CELF4: variants seen among roughly 807,000 people sequenced by gnomAD.
CELF4 encodes CUGBP Elav-like family member 4.
A neutral mutation model predicts 59.9 loss-of-function variants in CELF4; 18 were observed. The observed-to-expected ratio is 0.30, with a 90% CI of 0.21 to 0.45. The LOEUF (loss-of-function observed/expected upper bound fraction) is 0.45. Ranked by LOEUF, CELF4 falls within the 20% of genes least tolerant of loss-of-function variation. The pLI is 1.00. For synonymous variants in CELF4, 261 were observed against 267.1 expected (o/e 0.98, Z 0.22); for missense variants, 456 against 689.0 (o/e 0.66, Z 3.79).
intron 2 of CELF4, among the ~76,000 whole-genome samples, chr18:37,419,780 T>G (rs2099561768): frequency 2.6e-5 from 4 of 152,150 alleles, no homozygotes; most frequent in African/African-American, 9.7e-5. Flanking sequence ...CTACAGGATT[T>G]TTTTAAGGAC....
intron 1 of CELF4, among the ~76,000 whole-genome samples, chr18:37,494,711 A>G (rs969265194): frequency 6.6e-6 from 1 of 151,688 alleles, no homozygotes; most frequent in Non-Finnish European, 1.5e-5. Flanking sequence ...GAGAGCAGAG[A>G]CTCTGGTATC....
At chr18:37,412,560 G>C (rs2099479235) in intron 2 of CELF4, among the ~76,000 whole-genome samples, 1 of 152,022 alleles carries the variant, frequency 6.6e-6, no homozygotes, top group African/African-American at 2.4e-5. Context: ...ATGGGTGCAT[G>C]TGTGTATGAA....
chr18:37,527,220 G>A (rs144018113), intron 1 of CELF4, among the ~76,000 whole-genome samples: 2 of 151,706 alleles, frequency 1.3e-5, no homozygotes, highest in South Asian at 4.2e-4. Flanking sequence ...AATACCAGCC[G>A]CACTCCCTGA....
intron 2 of CELF4, among the ~76,000 whole-genome samples, chr18:37,447,700 A>G (rs187554589): frequency 6.6e-6 from 1 of 152,086 alleles, no homozygotes; most frequent in East Asian, 1.9e-4. Flanking sequence ...TGCACCCTCT[A>G]CCCATCTGGG....
intron 3 of CELF4, among the ~76,000 whole-genome samples, chr18:37,321,498 C>T (rs1054880310): frequency 2.0e-5 from 3 of 152,220 alleles, no homozygotes; most frequent in African/African-American, 4.8e-5. Flanking sequence ...TTGTCCACAT[C>T]GAGGTGGGCA....
In CELF4 at chr18:37,484,843, C is replaced by T. The variant is rs114704945; in HGVS notation, c.369+682G>A. On this transcript the variant is annotated intron_variant, in intron 2 of 12. Coordinates refer to ENST00000420428, the MANE Select transcript of CELF4 (RefSeq NM_020180.4). ...AAAATCTTTAAATTATGCCCACAAA[C>T]ACACATCTTTCCATTTATCCTTAGA... 4.4e-3 allele frequency among the ~76,000 whole-genome samples: 670 copies of T among 152,324 alleles called. 5 individuals are homozygous for T. Among genetic ancestry groups the T allele is most frequent in the African/African-American group, 0.015 (642 of 41,560 alleles).
chr18:37,299,169 C>T (rs1273520088), intron 3 of CELF4, among the ~76,000 whole-genome samples: 1 of 152,144 alleles, frequency 6.6e-6, no homozygotes, highest in Non-Finnish European at 1.5e-5. Flanking sequence ...AGTCACCGCA[C>T]CATGGGGGAG....
chr18:37,266,343 G>A, intron 9 of CELF4, 190 bp downstream of exon 9: 1 of 649,662 alleles, frequency 1.5e-6, no homozygotes, highest in South Asian at 1.8e-5. Context: ...CCCCACTGCA[G>A]GGGCACTCTC....
chr18:37,366,218 G>A (rs562235863), intron 2 of CELF4, among the ~76,000 whole-genome samples: 104 of 152,308 alleles, frequency 6.8e-4, no homozygotes, highest in Admixed American at 2.2e-3. Flanking sequence ...GGGTAGGGCT[G>A]GGGCTGGAAA....
intron 2 of CELF4, among the ~76,000 whole-genome samples, chr18:37,428,960 C>T (rs929334181): frequency 1.3e-5 from 2 of 152,192 alleles, no homozygotes; most frequent in African/African-American, 4.8e-5. Flanking sequence ...GTCTTATTCA[C>T]CTGGGCACCC....
At chr18:37,301,717 G>T (rs1023761476) in intron 3 of CELF4, among the ~76,000 whole-genome samples, 1 of 147,436 alleles carries the variant, frequency 6.8e-6, no homozygotes, top group Non-Finnish European at 1.5e-5. Context: ...GAGCGTGAAG[G>T]CTCTGAAGGT....
At chr18:37,541,822 G>C (rs1190865252) in intron 1 of CELF4, among the ~76,000 whole-genome samples, 1 of 152,032 alleles carries the variant, frequency 6.6e-6, no homozygotes, top group Non-Finnish European at 1.5e-5. Context: ...TGGCTTCACT[G>C]TCAGTTCCTC....
At chr18:37,532,943 T>C (rs2099970715) in intron 1 of CELF4, among the ~76,000 whole-genome samples, 1 of 152,234 alleles carries the variant, frequency 6.6e-6, no homozygotes, top group South Asian at 2.1e-4. Context: ...GCTGGACAAT[T>C]ATTCAGGCAC....
At chr18:37,442,929 G>C (rs2099737043) in intron 2 of CELF4, among the ~76,000 whole-genome samples, 2 of 152,174 alleles carry the variant, frequency 1.3e-5, no homozygotes, top group Admixed American at 1.3e-4. Flanking sequence ...TTCTGGGTTA[G>C]TTTGCACCTA....
At chr18:37,466,579 C>T (rs1429989097) in intron 2 of CELF4, among the ~76,000 whole-genome samples, 1 of 152,148 alleles carries the variant, frequency 6.6e-6, no homozygotes, top group African/African-American at 2.4e-5. Context: ...GGTTCATGTA[C>T]CCATGCAGCC....
chr18:37,458,937 G>T (rs969211031), intron 2 of CELF4, among the ~76,000 whole-genome samples: 1 of 152,212 alleles, frequency 6.6e-6, no homozygotes, highest in Non-Finnish European at 1.5e-5. Flanking sequence ...CGCTAAGCTT[G>T]CAGGCTGAGC....
chr18:37,459,971 A>G (rs2099789063), intron 2 of CELF4, among the ~76,000 whole-genome samples: 1 of 152,172 alleles, frequency 6.6e-6, no homozygotes, highest in Admixed American at 6.5e-5. Flanking sequence ...TTTTCAGAAA[A>G]CCAAAAGGAA....
At chr18:37,330,497 G>C (rs2097500744) in intron 2 of CELF4, among the ~76,000 whole-genome samples, 1 of 152,202 alleles carries the variant, frequency 6.6e-6, no homozygotes, top group African/African-American at 2.4e-5. Flanking sequence ...AGGGGTTAGA[G>C]ATTCAAGAAA....
chr18:37,297,062 G>T (rs556435854), intron 3 of CELF4, among the ~76,000 whole-genome samples: 363 of 152,284 alleles, frequency 2.4e-3, no homozygotes, highest in African/African-American at 8.3e-3. Context: ...GAGAAGAGGG[G>T]AGCAGGGGAG....
Sources: gnomAD v4.1 joint callset for allele counts (sites outside exome capture counted in the v4.1 genomes callset) on GRCh38, gnomAD v4.1.1 for gene constraint, MANE v1.5 for transcripts, NCBI Gene and HGNC (gene_info 2026-07-23, HGNC 2026-07-21) for gene names.